Variants in ERMP1 observed in about 807,000 individuals in gnomAD.
ERMP1 encodes endoplasmic reticulum metallopeptidase 1.
In ERMP1, 86 loss-of-function variants were observed where a neutral mutation model predicts 92.0. That is an observed-to-expected ratio of 0.93 (90% CI 0.79 to 1.12). The LOEUF is 1.12. Ranked by LOEUF, ERMP1 falls within the 50% of genes most tolerant of loss-of-function variation. The pLI, the probability that ERMP1 is intolerant of heterozygous loss-of-function variation, is 0.00. For synonymous variants in ERMP1, 530 were observed against 412.8 expected (o/e 1.28, Z -3.44); for missense variants, 1,342 against 1,116.3 (o/e 1.20, Z -2.88).
chr9:5,813,107 A>C, intron 4 of ERMP1, 72 bp from the exon 5 acceptor site: 1 of 1,522,428 alleles, frequency 6.6e-7, no homozygotes, highest in Non-Finnish European at 9.0e-7. Flanking sequence ...GTTTTTCAAC[A>C]CATAGAAAAC....
At chr9:5,862,862 G>C (rs1437017215) in intron 5 of ERMP1, among the ~76,000 whole-genome samples, 4 of 152,184 alleles carry the variant, frequency 2.6e-5, no homozygotes, top group African/African-American at 9.7e-5. Flanking sequence ...CCCCAACCAA[G>C]ACTGTGTGAC....
At chr9:5,820,598 G>C (rs140084898) in intron 4 of ERMP1, among the ~76,000 whole-genome samples, 12 of 152,138 alleles carry the variant, frequency 7.9e-5, no homozygotes, top group Admixed American at 7.2e-4. Context: ...TAAAAATTAG[G>C]TAGTAATGAT....
chr9:5,835,594 C>T (rs767553426), upstream of ERMP1, among the ~76,000 whole-genome samples: 2 of 152,138 alleles, frequency 1.3e-5, no homozygotes, highest in Non-Finnish European at 2.9e-5. Context: ...TCAGAGGCAA[C>T]GTCGAATAAG....
intron 7 of ERMP1, among the ~76,000 whole-genome samples, chr9:5,810,733 A>G (rs1829059970): frequency 6.6e-6 from 1 of 152,206 alleles, no homozygotes; most frequent in African/African-American, 2.4e-5. Context: ...TCAAGCAGAA[A>G]TATTTCAAAT....
intron 4 of ERMP1, among the ~76,000 whole-genome samples, chr9:5,814,302 T>A (rs1829220956): frequency 6.6e-6 from 1 of 152,216 alleles, no homozygotes; most frequent in African/African-American, 2.4e-5. Context: ...CCTTTGCTGT[T>A]GTAAACCACC....
Position 5,787,152 on chromosome 9 carries a change from C to A in ERMP1, c.2707G>T (p.Val903Leu). The A allele has an allele frequency of 1.2e-6, 2 of 1,612,666 alleles. No individual in the cohort carries two copies. Among genetic ancestry groups the A allele is most frequent in the Non-Finnish European group, 1.7e-6 (2 of 1,179,306 alleles). The change falls in exon 15 of 15, where the codon GTA becomes TTA. Residue 903 changes from valine (V) to leucine (L), a missense_variant. Coordinates refer to ENST00000339450, the MANE Select transcript of ERMP1 (RefSeq NM_024896.3). ...SAWVCTYDLFVF is the reference protein window; with the variant it reads ...SAWVCTYDLFLF ...AGAGCTCATCCACAAGATTAAAATA[C>A]AAAGAGATCGTAGGTGCACACCCAG...
In ERMP1 at chr9:5,801,292, T is replaced by G; in HGVS notation, c.1951A>C (p.Thr651Pro). ...CATACCAAAGTTAAAGTTAGCATGG[T>G]TTTTTTTGTGCTCTTGGCAAGGTAG... ...FIYLAKSTKK[T>P]MLTLTLVCAI... The change falls in exon 11 of 15, where the codon ACC (threonine) becomes CCC (proline). Residue 651 changes from threonine (T) to proline (P), a missense_variant. Physicochemically the swap from Thr to Pro is conservative, Grantham distance 38 (BLOSUM62 -1). Coordinates refer to ENST00000339450, the MANE Select transcript of ERMP1 (RefSeq NM_024896.3). 1 of 1,609,578 alleles carries G rather than the reference T, an allele frequency of 6.2e-7. No individual in the cohort carries two copies. The highest frequency in any genetic ancestry group is 8.5e-7 in the Non-Finnish European group (1 of 1,177,650).
intron 6 of ERMP1, chr9:5,856,288 G>A (rs749563465): frequency 3.5e-5 from 9 of 260,086 alleles, no homozygotes; most frequent in African/African-American, 9.4e-5. Flanking sequence ...TCTGTTTATT[G>A]TTTTGCCATG....
At chr9:5,821,610 T>C (rs1249815441) in intron 4 of ERMP1, among the ~76,000 whole-genome samples, 1 of 152,140 alleles carries the variant, frequency 6.6e-6, no homozygotes, top group African/African-American at 2.4e-5. Context: ...ATATGTAAAA[T>C]ATGTTAACAT....
chr9:5,846,938 T>G (rs2129747123), intron 6 of ERMP1, among the ~76,000 whole-genome samples: 1 of 152,290 alleles, frequency 6.6e-6, no homozygotes, highest in South Asian at 2.1e-4. Context: ...GCTGCAGAGA[T>G]TTATGGCAGA....
intron 5 of ERMP1, among the ~76,000 whole-genome samples, chr9:5,864,021 A>C (rs1171447590): frequency 6.6e-6 from 1 of 152,186 alleles, no homozygotes; most frequent in Non-Finnish European, 1.5e-5. Flanking sequence ...CATCCTTGTA[A>C]AATACATTTC....
intron 2 of ERMP1, 22 bp from the exon 3 acceptor site, chr9:5,825,241 T>G: frequency 1.2e-6 from 2 of 1,602,482 alleles, no homozygotes; most frequent in Non-Finnish European, 1.7e-6. Context: ...AAAAACAAAT[T>G]TGCTGCTCAG....
intron 8 of ERMP1, among the ~76,000 whole-genome samples, chr9:5,809,061 G>C (rs987280576): frequency 6.6e-6 from 1 of 150,648 alleles, no homozygotes. Context: ...TCTCGCTGTC[G>C]CCCCAGCTGG....
chr9:5,810,081 C>A lies in ERMP1; in HGVS notation c.1478G>T (p.Cys493Phe), dbSNP rs559305338. Residue 493 changes from cysteine (C) to phenylalanine (F), a missense_variant, in exon 8 of 15, where the codon TGT (cysteine) becomes TTT (phenylalanine). Cys to Phe is a radical substitution (Grantham distance 205). Coordinates refer to ENST00000339450, the MANE Select transcript of ERMP1 (RefSeq NM_024896.3). ...GGCTACAGTTGCAGTTCCATACAGA[C>A]AAACGGAGACATAGAAGTGGTTATA... ...SWYNHFYVSV[C>F]LYGTATVAKI... The A allele has an allele frequency of 4.0e-5, 65 of 1,613,996 alleles. No homozygotes were observed. In the African/African-American group the frequency reaches 8.0e-4, roughly 20 times the overall value.
At chr9:5,855,990 C>G in intron 6 of ERMP1, 1 of 306,910 alleles carries the variant, frequency 3.3e-6, no homozygotes, top group Non-Finnish European at 6.6e-6. Flanking sequence ...AATGGTTCTC[C>G]AGAGATGTCA....
chr9:5,785,345 AATT>A lies in ERMP1; in HGVS notation c.*1796_*1798del, dbSNP rs1188843017. ...GGCCCATTTTTAAAATTCATTGAGAAATTATTACTTTTTCTCCACAACTGTGAT... is the reference window on the plus strand; with the variant it reads ...GGCCCATTTTTAAAATTCATTGAGAAATTACTTTTTCTCCACAACTGTGAT... On this transcript the variant is annotated 3_prime_UTR_variant, in exon 15 of 15. Transcript: ENST00000339450. 6.6e-5 allele frequency: 10 copies of A among 152,202 alleles called. 1 individual carries two copies. Among genetic ancestry groups the A allele is most frequent in the African/African-American group, 2.2e-4 (9 of 41,448 alleles). 9.4% of individuals were successfully genotyped at this position (152,202 alleles called of 1,614,324 possible).
At chr9:5,842,944 T>C in intron 6 of ERMP1, among the ~76,000 whole-genome samples, 1 of 152,260 alleles carries the variant, frequency 6.6e-6, no homozygotes, top group East Asian at 1.9e-4. Context: ...ATGATTCTAA[T>C]ATCCTAGCCA....
intron 6 of ERMP1, among the ~76,000 whole-genome samples, chr9:5,858,432 C>A (rs1830411318): frequency 6.6e-6 from 1 of 152,154 alleles, no homozygotes; most frequent in South Asian, 2.1e-4. Flanking sequence ...ACAAAATATT[C>A]CAGAGCTCCT....
chr9:5,806,520 T>A (rs1480828683), intron 8 of ERMP1, among the ~76,000 whole-genome samples: 1 of 151,854 alleles, frequency 6.6e-6, no homozygotes, highest in East Asian at 1.9e-4. Context: ...CTCAGCCTCC[T>A]GGGCTCAAGT....
Sources: gnomAD v4.1 joint callset for allele counts (sites outside exome capture counted in the v4.1 genomes callset) on GRCh38, gnomAD v4.1.1 for gene constraint, MANE v1.5 for transcripts, NCBI Gene and HGNC (gene_info 2026-07-23, HGNC 2026-07-21) for gene names.